The following MYRFL variants were observed in gnomAD, a reference collection of about 807,000 sequenced individuals.
The protein encoded by MYRFL is myelin regulatory factor like.
In MYRFL, 88 loss-of-function variants were observed where a neutral mutation model predicts 109.4. The observed-to-expected ratio is 0.80, with a 90% confidence interval of 0.68 to 0.96. MYRFL has a LOEUF of 0.96. Ranked by LOEUF, MYRFL falls within the 40% of genes least tolerant of loss-of-function variation. MYRFL has a pLI of 0.00. For synonymous variants in MYRFL, 324 were observed against 320.9 expected, an observed-to-expected ratio of 1.01 and a Z score of -0.10; for missense variants, 957 against 954.9, an observed-to-expected ratio of 1.00 and a Z score of -0.03.
In MYRFL at chr12:69,936,624, G is replaced by C. The variant is rs184470223; in HGVS notation, c.2216G>C (p.Arg739Pro). Residue 739 changes from arginine (R) to proline (P), a missense_variant, in exon 19 of 25, where the codon CGA (arginine) becomes CCA (proline). Transcript: ENST00000552032. Reference sequence around the variant, plus strand: ...GAGGAGAAGGAATTCCATCAGAGGCGATGGTCAGGTAAATGATGTTCAAAG... The same window carrying C: ...GAGGAGAAGGAATTCCATCAGAGGCCATGGTCAGGTAAATGATGTTCAAAG... ...QSEEKEFHQR[R>P]WSEDKSKSVL... The C allele has an allele frequency of 1.3e-6, 2 of 1,524,536 alleles. No homozygotes were observed. Among genetic ancestry groups the C allele is most frequent in the African/African-American group, 2.8e-5 (2 of 72,658 alleles). The allele number at this position is 1,524,536 out of a possible 1,614,324, so 94.4% of individuals were successfully genotyped here.
intron 10 of MYRFL, among the ~76,000 whole-genome samples, chr12:69,902,727 A>G (rs1177349214): frequency 2.0e-5 from 3 of 152,192 alleles, no homozygotes; most frequent in Non-Finnish European, 4.4e-5. Flanking sequence ...ACTTTAAAAT[A>G]TTTGGGAATA....
chr12:69,938,973 C>T lies in MYRFL; in HGVS notation c.2224+2341C>T, dbSNP rs548174619. Among the ~76,000 whole-genome samples the T allele has an allele frequency of 6.7e-3, 1,023 of 152,292 alleles. 7 individuals are homozygous for T. Among genetic ancestry groups the T allele is most frequent in the African/African-American group, 0.021 (870 of 41,568 alleles). On this transcript the variant is annotated intron_variant, in intron 19 of 24. Transcript: ENST00000552032. ...TCGGGTCACTCCCACCCGAATACTG[C>T]GCATTTCCGACGGGCTTAAAAAATG...
At chr12:69,954,878 T>TAAC (rs1278037835) in intron 21 of MYRFL, among the ~76,000 whole-genome samples, 4 of 152,232 alleles carry the variant, frequency 2.6e-5, no homozygotes, top group African/African-American at 4.8e-5. Flanking sequence ...ATTAGAATTA[T>TAAC]AACAATTTTA....
chr12:69,910,307 T>C (rs1338824526), intron 12 of MYRFL, among the ~76,000 whole-genome samples: 1 of 152,108 alleles, frequency 6.6e-6, no homozygotes, highest in Non-Finnish European at 1.5e-5. Flanking sequence ...AGGTTGAATA[T>C]ATAGTTTCTT....
chr12:69,837,089 C>T (rs139088130), intron 1 of MYRFL, among the ~76,000 whole-genome samples: 6 of 152,204 alleles, frequency 3.9e-5, no homozygotes, highest in Admixed American at 1.3e-4. Context: ...TGCCTAAAAT[C>T]GGATTGGTAA....
At chr12:69,952,237 T>G in intron 20 of MYRFL, 62 bp downstream of exon 20, 1 of 1,415,488 alleles carries the variant, frequency 7.1e-7, no homozygotes. Flanking sequence ...ACTAACAAGT[T>G]GTAAAAGCAT....
At chr12:69,939,208 C>T (rs1086230) in intron 19 of MYRFL, among the ~76,000 whole-genome samples, 29,661 of 151,912 alleles carry the variant, frequency 0.2, 3,224 homozygotes, top group Non-Finnish European at 0.27. Context: ...AGGAGGCCTG[C>T]CTGCCTGTGT....
chr12:69,921,279 G>A (rs11177966), intron 13 of MYRFL, among the ~76,000 whole-genome samples: 26,517 of 151,998 alleles, frequency 0.17, 3,093 homozygotes, highest in Non-Finnish European at 0.27. Context: ...CTAGCCTCAA[G>A]CAGTCCTCCC....
At chr12:69,833,084 C>A (rs1488370002) in intron 1 of MYRFL, among the ~76,000 whole-genome samples, 1 of 150,960 alleles carries the variant, frequency 6.6e-6, no homozygotes, top group Non-Finnish European at 1.5e-5. Context: ...AATTTGAAAC[C>A]CAAGGAAGGA....
intron 13 of MYRFL, 116 bp from the exon 14 acceptor site, chr12:69,926,455 T>C (rs190425197): frequency 1.3e-6 from 1 of 797,948 alleles, no homozygotes; most frequent in Admixed American, 4.0e-5. Flanking sequence ...TGAAGATGTG[T>C]GTGTCTGTAA....
chr12:69,943,873 G>A (rs1955747196), intron 19 of MYRFL, among the ~76,000 whole-genome samples: 1 of 152,110 alleles, frequency 6.6e-6, no homozygotes, highest in African/African-American at 2.4e-5. Context: ...AGTGGATGAA[G>A]GACATGAACA....
chr12:69,922,139 AGG>A (rs1954932263), intron 13 of MYRFL, among the ~76,000 whole-genome samples: 2 of 151,996 alleles, frequency 1.3e-5, no homozygotes, highest in African/African-American at 2.4e-5. Context: ...GGGTGCAGGG[AGG>A]GGTTAGAGAG....
At chr12:69,837,571 T>C (rs915386801) in intron 1 of MYRFL, among the ~76,000 whole-genome samples, 5 of 152,176 alleles carry the variant, frequency 3.3e-5, no homozygotes, top group Non-Finnish European at 7.4e-5. Context: ...CTCTGTAAGG[T>C]GGTAAAACCC....
At chr12:69,950,869 G>A (rs1955956173) in intron 19 of MYRFL, among the ~76,000 whole-genome samples, 1 of 152,118 alleles carries the variant, frequency 6.6e-6, no homozygotes, top group Non-Finnish European at 1.5e-5. Context: ...AATTAACAAT[G>A]TTCATTCACA....
rs1250658434 is a variant in MYRFL, at chr12:69,881,299, A to C, written c.556+1007A>C. 3.9e-5 allele frequency among the ~76,000 whole-genome samples: 6 copies of C among 152,192 alleles called. No homozygotes were observed. In the East Asian group the frequency reaches 1.2e-3, roughly 29 times the overall value. On this transcript the variant is annotated intron_variant, in intron 5 of 24. Transcript: ENST00000552032. ...CCCAGTTCTATTAGCAACTGTAAAC[A>C]CTCAAATGTGGGCAGTGTGAACAAA...
chr12:69,861,435 C>T (rs931662898), intron 2 of MYRFL, among the ~76,000 whole-genome samples: 1 of 152,144 alleles, frequency 6.6e-6, no homozygotes, highest in African/African-American at 2.4e-5. Flanking sequence ...TTAATGATTG[C>T]CATTCTAACT....
chr12:69,888,641 C>T (rs887655558), intron 6 of MYRFL, among the ~76,000 whole-genome samples: 1 of 152,084 alleles, frequency 6.6e-6, no homozygotes, highest in Non-Finnish European at 1.5e-5. Context: ...TGATTGATTC[C>T]GTTTCTGATT....
intron 2 of MYRFL, among the ~76,000 whole-genome samples, chr12:69,875,125 C>A (rs1294108825): frequency 6.5e-5 from 1 of 15,304 alleles, no homozygotes; most frequent in Non-Finnish European, 2.0e-4. Context: ...GCTGTTATAT[C>A]TTAATTTTTT....
intron 1 of MYRFL, among the ~76,000 whole-genome samples, chr12:69,835,470 A>C (rs755169577): frequency 7.9e-5 from 12 of 152,252 alleles, no homozygotes; most frequent in Non-Finnish European, 1.5e-4. Context: ...TCATAAAAGC[A>C]TGCATGGGAA....
Sources: allele counts gnomAD v4.1 joint callset (sites outside exome capture counted in the v4.1 genomes callset), GRCh38; gene constraint gnomAD v4.1.1; transcripts MANE v1.5; gene names NCBI Gene and HGNC (gene_info 2026-07-23, HGNC 2026-07-21).